Variants in TRAPPC11 observed in about 807,000 individuals in gnomAD.
TRAPPC11 encodes the protein foie gras homolog.
A neutral mutation model predicts 151.2 loss-of-function variants in TRAPPC11; 104 were observed. The observed-to-expected ratio is 0.69, with a 90% CI of 0.59 to 0.81. The LOEUF is 0.81. TRAPPC11 is among the 30% of genes least tolerant of loss of function. The pLI is 0.00. For synonymous variants in TRAPPC11, 456 were observed against 472.3 expected (o/e 0.97, Z 0.45); for missense variants, 1,230 against 1,349.6 (o/e 0.91, Z 1.39).
chr4:183,694,164 T>C (rs1296687229), intron 22 of TRAPPC11, 126 bp downstream of exon 22: 1 of 1,006,978 alleles, frequency 9.9e-7, no homozygotes. Flanking sequence ...ATTTAACTAA[T>C]GAACATTTCA....
At chr4:183,705,158 A>G (rs1736994467) in intron 27 of TRAPPC11, 88 bp downstream of exon 27, 1 of 979,306 alleles carries the variant, frequency 1.0e-6, no homozygotes, top group Non-Finnish European at 1.5e-6. Flanking sequence ...TTAACATTCT[A>G]TTTAGAAAGT....
chr4:183,674,621 C>G (rs1009385489), intron 5 of TRAPPC11, 92 bp from the exon 6 acceptor site: 1 of 647,100 alleles, frequency 1.5e-6, no homozygotes, highest in African/African-American at 1.9e-5. Flanking sequence ...ATTTCTGTCA[C>G]CATTTTACTT....
intron 27 of TRAPPC11, among the ~76,000 whole-genome samples, chr4:183,705,349 CTT>C (rs1378101874): frequency 6.6e-6 from 1 of 152,210 alleles, no homozygotes; most frequent in Non-Finnish European, 1.5e-5. Flanking sequence ...ATTATCACCT[CTT>C]TAAAAATTAG....
intron 2 of TRAPPC11, among the ~76,000 whole-genome samples, chr4:183,665,669 A>G (rs1734842789): frequency 6.6e-6 from 1 of 152,222 alleles, no homozygotes; most frequent in African/African-American, 2.4e-5. Flanking sequence ...CCTCAGGGCT[A>G]ACACTCAAAT....
chr4:183,683,879 T>G, intron 11 of TRAPPC11, 96 bp from the exon 12 acceptor site: 1 of 961,202 alleles, frequency 1.0e-6, no homozygotes, highest in Non-Finnish European at 1.6e-6. Flanking sequence ...ATGATTATAT[T>G]AAATAAAGGT....
rs1291186647 is a variant in TRAPPC11, at chr4:183,713,429, C to CT, written c.*787dup. ...AGTTTCAAAAGAACTATTTAAAACT[C>CT]TTGAAAACTCATGTAAATAAAAATC... is the stretch of plus-strand genomic sequence containing the variant. On this transcript the variant is annotated 3_prime_UTR_variant, in exon 30 of 30. Coordinates refer to ENST00000334690, the MANE Select transcript of TRAPPC11 (RefSeq NM_021942.6). 2.0e-5 allele frequency: 3 copies of CT among 152,492 alleles called. No individual in the cohort carries two copies. The highest frequency in any genetic ancestry group is 7.2e-5 in the African/African-American group (3 of 41,406). 9.4% of individuals were successfully genotyped at this position (152,492 alleles called of 1,614,324 possible).
intron 18 of TRAPPC11, among the ~76,000 whole-genome samples, chr4:183,688,258 A>C (rs1041558839): frequency 1.3e-5 from 2 of 152,202 alleles, no homozygotes; most frequent in African/African-American, 4.8e-5. Flanking sequence ...TGTAGTAGGC[A>C]TGCCAGAAAA....
intron 6 of TRAPPC11, 140 bp downstream of exon 6, chr4:183,674,952 T>C: frequency 3.2e-6 from 2 of 616,160 alleles, no homozygotes; most frequent in Non-Finnish European, 2.7e-6. Flanking sequence ...TTTTAAAAAT[T>C]AATTTGTTTT....
At chr4:183,695,027 C>T (rs757801021) in intron 23 of TRAPPC11, among the ~76,000 whole-genome samples, 12 of 148,428 alleles carry the variant, frequency 8.1e-5, no homozygotes, top group East Asian at 2.0e-4. Flanking sequence ...TGGCTCACTG[C>T]GACCTCCACC....
Position 183,668,870 on chromosome 4 carries a change from GTA to G in TRAPPC11, c.560+754_560+755del, listed in dbSNP as rs375874626. Among the ~76,000 whole-genome samples, 319 of 152,292 alleles carry G rather than the reference GTA, an allele frequency of 2.1e-3. 2 individuals are homozygous for G. Among genetic ancestry groups the G allele is most frequent in the African/African-American group, 7.3e-3 (302 of 41,564 alleles). ...ATGAATATTTTCATTGATTTTGACT[GTA>G]AAATGGTTTTCCTTTTCATTCTGCA... On this transcript the variant is annotated intron_variant, in intron 5 of 29. Coordinates refer to ENST00000334690, the MANE Select transcript of TRAPPC11 (RefSeq NM_021942.6).
At chr4:183,674,987 G>C (rs1264767446) in intron 6 of TRAPPC11, 175 bp downstream of exon 6, 4 of 567,012 alleles carry the variant, frequency 7.1e-6, no homozygotes, top group Non-Finnish European at 1.2e-5. Context: ...TGCTTTTAAA[G>C]TTCTTAAAGG....
At chr4:183,667,954 T>C (rs565958343) in intron 4 of TRAPPC11, 49 bp from the exon 5 acceptor site, 2 of 1,162,944 alleles carry the variant, frequency 1.7e-6, no homozygotes, top group Non-Finnish European at 2.6e-6. Flanking sequence ...TTTGGGAAGC[T>C]ACATTAGTTA....
In TRAPPC11 at chr4:183,675,156, CTT is replaced by C. The variant is rs140871779; in HGVS notation, c.661-4_661-3del. On this transcript the variant is annotated splice_region_variant and splice_polypyrimidine_tract_variant and intron_variant, in intron 6 of 29. Coordinates refer to ENST00000334690, the MANE Select transcript of TRAPPC11 (RefSeq NM_021942.6). ...ATGTATAATAGTAATTTTTTTGTCT[CTT>C]TTTAGCTTTTATTTGTTAGGCATCA... 10 of 1,476,334 alleles carry C rather than the reference CTT, an allele frequency of 6.8e-6. No individual in the cohort carries two copies. In the African/African-American group the frequency reaches 9.9e-5, roughly 15 times the overall value. 91.5% of individuals were successfully genotyped at this position (1,476,334 alleles called of 1,614,324 possible).
intron 7 of TRAPPC11, among the ~76,000 whole-genome samples, chr4:183,677,256 T>A (rs1364007281): frequency 6.6e-6 from 1 of 152,218 alleles, no homozygotes; most frequent in Non-Finnish European, 1.5e-5. Flanking sequence ...GCACATGTCA[T>A]GGTTCTGTTC....
At chr4:183,710,359 T>C (rs1737281012) in intron 29 of TRAPPC11, among the ~76,000 whole-genome samples, 1 of 151,882 alleles carries the variant, frequency 6.6e-6, no homozygotes, top group Non-Finnish European at 1.5e-5. Flanking sequence ...CGATGTCTGC[T>C]CACTGCAAGC....
At chr4:183,660,417 T>A (rs1200800359) in intron 1 of TRAPPC11, among the ~76,000 whole-genome samples, 1 of 152,248 alleles carries the variant, frequency 6.6e-6, no homozygotes, top group East Asian at 1.9e-4. Flanking sequence ...CATTAATAAC[T>A]TTTATATTAT....
Position 183,682,973 on chromosome 4 carries a change from T to C in TRAPPC11, c.1207+148T>C. 3 of 630,002 alleles carry C rather than the reference T, an allele frequency of 4.8e-6. No individual in the cohort carries two copies. The South Asian group carries it at 5.9e-5, about 12-fold the overall frequency. 39.0% of individuals were successfully genotyped at this position (630,002 alleles called of 1,614,324 possible). On this transcript the variant is annotated intron_variant, in intron 11 of 29. Coordinates refer to ENST00000334690, the MANE Select transcript of TRAPPC11 (RefSeq NM_021942.6). ...AACATTGTTTTTGTTTTTAGAATGCTTTGTATGTATCACTGCATCTTAGAG... is the reference window on the plus strand; with the variant it reads ...AACATTGTTTTTGTTTTTAGAATGCCTTGTATGTATCACTGCATCTTAGAG...
intron 10 of TRAPPC11, among the ~76,000 whole-genome samples, chr4:183,681,215 T>G (rs1735673854): frequency 6.6e-6 from 1 of 151,938 alleles, no homozygotes; most frequent in Admixed American, 6.6e-5. Context: ...TCTCTGAAGA[T>G]GAGTGAATAT....
intron 26 of TRAPPC11, 40 bp downstream of exon 26, chr4:183,701,848 T>A: frequency 7.9e-7 from 1 of 1,265,428 alleles, no homozygotes; most frequent in Non-Finnish European, 1.2e-6. Context: ...TCAATGTCTC[T>A]GTTATTCTCA....
Sources: allele counts gnomAD v4.1 joint callset (sites outside exome capture counted in the v4.1 genomes callset), GRCh38; gene constraint gnomAD v4.1.1; transcripts MANE v1.5; gene names NCBI Gene and HGNC (gene_info 2026-07-23, HGNC 2026-07-21).